The following PSMD1 variants were observed in gnomAD, a reference collection of about 807,000 sequenced individuals.
PSMD1 encodes the protein proteasome 26S subunit, non-ATPase 1.
In PSMD1, 18 loss-of-function variants were observed where a neutral mutation model predicts 119.0. The observed-to-expected ratio is 0.15, with a 90% CI of 0.10 to 0.22. The LOEUF (loss-of-function observed/expected upper bound fraction) is 0.22, where lower values mean the gene tolerates loss of function less well. Among genes scored for constraint, PSMD1 ranks in the 10% least tolerant of loss-of-function variants. PSMD1 has a pLI of 1.00. For missense variants in PSMD1, 702 were observed against 1,158.5 expected (o/e 0.61, Z 5.72); for synonymous variants, 374 against 396.6 (o/e 0.94, Z 0.68).
intron 5 of PSMD1, among the ~76,000 whole-genome samples, chr2:231,069,661 A>T (rs1016705484): frequency 2.0e-5 from 3 of 152,182 alleles, no homozygotes; most frequent in Non-Finnish European, 4.4e-5. Context: ...GCAAGATAAG[A>T]AGCAGAAAGA....
At chr2:231,093,594 G>T (rs1372005612) in intron 16 of PSMD1, among the ~76,000 whole-genome samples, 3 of 152,116 alleles carry the variant, frequency 2.0e-5, no homozygotes, top group Non-Finnish European at 4.4e-5. Flanking sequence ...AAATCATTTG[G>T]ACCACACCAT....
intron 15 of PSMD1, among the ~76,000 whole-genome samples, chr2:231,086,734 G>T (rs1423971585): frequency 6.6e-6 from 1 of 152,070 alleles, no homozygotes; most frequent in Non-Finnish European, 1.5e-5. Context: ...CCCCTGAATT[G>T]AAATTTTTCA....
chr2:231,127,922 A>T (rs1377634236), intron 16 of PSMD1, among the ~76,000 whole-genome samples: 1 of 152,172 alleles, frequency 6.6e-6, no homozygotes, highest in African/African-American at 2.4e-5. Flanking sequence ...TCAAGGTCAG[A>T]CTCAGCCTCT....
intron 17 of PSMD1, among the ~76,000 whole-genome samples, chr2:231,145,861 C>G (rs1696239053): frequency 7.5e-6 from 1 of 132,480 alleles, no homozygotes; most frequent in Non-Finnish European, 1.5e-5. Context: ...CCATTGCACT[C>G]CAGTCTGGGT....
intron 18 of PSMD1, among the ~76,000 whole-genome samples, chr2:231,146,808 T>G: frequency 6.6e-6 from 1 of 152,256 alleles, no homozygotes; most frequent in East Asian, 1.9e-4. Flanking sequence ...AGTTTAGAAA[T>G]GAGTACATCC....
intron 16 of PSMD1, among the ~76,000 whole-genome samples, chr2:231,121,148 T>A (rs543814414): frequency 2.6e-5 from 4 of 152,342 alleles, no homozygotes; most frequent in Middle Eastern, 3.4e-3. Context: ...GTTCATTTTT[T>A]AAAAATCTAC....
intron 5 of PSMD1, among the ~76,000 whole-genome samples, chr2:231,067,616 T>A (rs762176915): frequency 6.6e-6 from 1 of 152,186 alleles, no homozygotes; most frequent in Non-Finnish European, 1.5e-5. Flanking sequence ...AGATGAACCC[T>A]GCCTCGTTCC....
intron 16 of PSMD1, among the ~76,000 whole-genome samples, chr2:231,129,934 A>G (rs1574758300): frequency 6.6e-6 from 1 of 151,870 alleles, no homozygotes; most frequent in African/African-American, 2.4e-5. Context: ...GCTCACTGCA[A>G]CCTCTGTCTC....
At position 231,062,646 on chromosome 2, in the gene PSMD1, A is replaced by G. The variant is rs2125151908; in HGVS notation, c.275A>G (p.Asp92Gly). ...GCAGGGGACCTCTTCAATGTCAATG[A>G]TAACTCTGAATATGTGGAAACTATT... The part of the protein sequence containing the change: ...LGAGDLFNVN[D>G]NSEYVETIIA... The change falls in exon 4 of 25, where the codon GAT becomes GGT. Residue 92 changes from aspartate (D) to glycine (G), a missense_variant. This residue lies in a region of PSMD1 where 60 missense variants were observed against 118.2 expected (regional missense o/e 0.51). Coordinates refer to ENST00000308696, the MANE Select transcript of PSMD1 (RefSeq NM_002807.4). 1 of 1,609,498 alleles carries G rather than the reference A, an allele frequency of 6.2e-7. No individual in the cohort carries two copies. The highest frequency in any genetic ancestry group is 1.1e-5 in the South Asian group (1 of 90,408).
intron 16 of PSMD1, among the ~76,000 whole-genome samples, chr2:231,109,968 A>C (rs1158237125): frequency 6.6e-6 from 1 of 152,136 alleles, no homozygotes; most frequent in Non-Finnish European, 1.5e-5. Context: ...TGCTACTTAA[A>C]ATTTGAGTGT....
At position 231,153,618 on chromosome 2, in the gene PSMD1, G is replaced by A. The variant is rs748248328; in HGVS notation, c.2170G>A (p.Val724Ile). The A allele has an allele frequency of 1.2e-6, 2 of 1,613,996 alleles. No homozygotes were observed. Among genetic ancestry groups the A allele is most frequent in the Non-Finnish European group, 1.7e-6 (2 of 1,179,930 alleles). Residue 724 changes from valine to isoleucine, a missense_variant, in exon 19 of 25, where the codon GTC (valine) becomes ATC (isoleucine). By Grantham distance (29) the Val-to-Ile change is conservative. Coordinates refer to ENST00000308696, the MANE Select transcript of PSMD1 (RefSeq NM_002807.4). ...SKVINDKHDDVMAKFGAILAQ... is the reference protein window; with the variant it reads ...SKVINDKHDDIMAKFGAILAQ... ...AGTCATCAATGATAAGCATGATGAT[G>A]TCATGGCCAAGTTTGGCGCTATTCT...
intron 16 of PSMD1, among the ~76,000 whole-genome samples, chr2:231,099,577 T>C (rs1170529734): frequency 6.6e-6 from 1 of 152,188 alleles, no homozygotes; most frequent in African/African-American, 2.4e-5. Context: ...TTGCTCCCTG[T>C]CTTGCTTGGG....
chr2:231,099,348 A>G (rs1694807350), intron 16 of PSMD1, among the ~76,000 whole-genome samples: 1 of 152,236 alleles, frequency 6.6e-6, no homozygotes, highest in Non-Finnish European at 1.5e-5. Flanking sequence ...CCATTAACAT[A>G]TCGGATTAGA....
chr2:231,084,506 A>G (rs1048015397), intron 14 of PSMD1, among the ~76,000 whole-genome samples: 1 of 151,856 alleles, frequency 6.6e-6, no homozygotes, highest in South Asian at 2.1e-4. Flanking sequence ...TTTAGTTTTT[A>G]TAATGGTGTT....
At chr2:231,132,723 A>G (rs1333252137) in intron 16 of PSMD1, among the ~76,000 whole-genome samples, 2 of 152,228 alleles carry the variant, frequency 1.3e-5, no homozygotes, top group Admixed American at 1.3e-4. Flanking sequence ...TAGAATTGGA[A>G]TCCAGGTCTT....
At chr2:231,161,283 C>A in intron 19 of PSMD1, 57 bp from the exon 20 acceptor site, 1 of 1,343,738 alleles carries the variant, frequency 7.4e-7, no homozygotes. Context: ...TATTATTGTC[C>A]TACTATAATA....
chr2:231,082,870 GT>G lies in PSMD1; in HGVS notation c.1414-7del, dbSNP rs1251301282. 6.3e-7 allele frequency: 1 copy of G among 1,598,914 alleles called. No homozygotes were observed. Among genetic ancestry groups the G allele is most frequent in the East Asian group, 2.2e-5 (1 of 44,780 alleles). On this transcript the variant is annotated splice_polypyrimidine_tract_variant and intron_variant, in intron 12 of 24. Coordinates refer to ENST00000308696, the MANE Select transcript of PSMD1 (RefSeq NM_002807.4). Reference sequence around the variant, plus strand: ...AGTGTACCAAATCAATGGAATCTATGTTTTTTCCTTAGATCGTTAGACACGG... The same window carrying G: ...AGTGTACCAAATCAATGGAATCTATGTTTTTCCTTAGATCGTTAGACACGG...
At chr2:231,066,510 A>G (rs1457856980) in intron 4 of PSMD1, among the ~76,000 whole-genome samples, 2 of 152,206 alleles carry the variant, frequency 1.3e-5, no homozygotes, top group African/African-American at 4.8e-5. Context: ...GAGTAATAAA[A>G]TTTTGATCAA....
chr2:231,153,416 C>A, intron 18 of PSMD1, 148 bp from the exon 19 acceptor site: 1 of 618,348 alleles, frequency 1.6e-6, no homozygotes, highest in Non-Finnish European at 2.8e-6. Context: ...CGGAACTGCT[C>A]TGCCTTCAAG....
Sources: gnomAD v4.1 joint callset for allele counts (sites outside exome capture counted in the v4.1 genomes callset) on GRCh38, gnomAD v4.1.1 for gene constraint, gnomAD v4.1.1 regional missense constraint, MANE v1.5 for transcripts, NCBI Gene and HGNC (gene_info 2026-07-23, HGNC 2026-07-21) for gene names.